The following ACBD5 variants were observed in gnomAD, a reference collection of about 807,000 sequenced individuals.
The protein encoded by ACBD5 is acyl-CoA-binding domain-containing protein 5.
In ACBD5, 40 loss-of-function variants were observed where a neutral mutation model predicts 71.8. That is an observed-to-expected ratio of 0.56 (90% CI 0.43 to 0.72). The LOEUF (loss-of-function observed/expected upper bound fraction) is 0.72, where lower values mean the gene tolerates loss of function less well. Ranked by LOEUF, ACBD5 falls within the 30% of genes least tolerant of loss-of-function variation. ACBD5 has a pLI of 0.00. For synonymous variants in ACBD5, 229 were observed against 218.6 expected (o/e 1.05, Z -0.42); for missense variants, 559 against 644.5 (o/e 0.87, Z 1.44).
At chr10:27,218,302 C>T (rs944713592) in intron 6 of ACBD5, 119 bp from the exon 7 acceptor site, 2 of 844,630 alleles carry the variant, frequency 2.4e-6, no homozygotes, top group Non-Finnish European at 4.0e-6. Flanking sequence ...GAAGGGTTTC[C>T]TACTTGGATC....
Position 27,234,996 on chromosome 10 carries a change from T to C in ACBD5, c.302+96A>G, listed in dbSNP as rs2064455997. On this transcript the variant is annotated intron_variant, in intron 3 of 12. Transcript: ENST00000396271. ...ATTGTACCCAATACCTAGGACACTT[T>C]CTGCACAGAATAATATATAACCACT... 1.1e-5 allele frequency: 15 copies of C among 1,308,612 alleles called. No homozygotes were observed. In the Admixed American group the frequency reaches 2.9e-4, roughly 25 times the overall value. The allele number at this position is 1,308,612 out of a possible 1,614,324, so 81.1% of individuals were successfully genotyped here.
In ACBD5 at chr10:27,196,853, A is replaced by G; in HGVS notation, c.*577T>C. The G allele has an allele frequency of 2.2e-6, 1 of 454,088 alleles. No homozygotes were observed. Among genetic ancestry groups the G allele is most frequent in the South Asian group, 1.6e-5 (1 of 64,478 alleles). 28.1% of individuals were successfully genotyped at this position (454,088 alleles called of 1,614,324 possible). On this transcript the variant is annotated 3_prime_UTR_variant, in exon 13 of 13. Transcript: ENST00000396271. ...TTTTTAATAATGATGCCTGAACACCAAACTCAAGAGTTGTGAATGCCCAAG... is the reference window on the plus strand; with the variant it reads ...TTTTTAATAATGATGCCTGAACACCGAACTCAAGAGTTGTGAATGCCCAAG...
chr10:27,215,173 A>G (rs1304672173), intron 8 of ACBD5, among the ~76,000 whole-genome samples: 1 of 143,892 alleles, frequency 6.9e-6, no homozygotes, highest in East Asian at 1.9e-4. Context: ...CTAAAAAACA[A>G]AAAAAACAAC....
At chr10:27,189,287 A>G (rs963584348) in intron 13 of ACBD5, among the ~76,000 whole-genome samples, 1 of 152,188 alleles carries the variant, frequency 6.6e-6, no homozygotes, top group East Asian at 1.9e-4. Context: ...TCAGCCTCCC[A>G]AAATGCTGGG....
downstream of ACBD5, among the ~76,000 whole-genome samples, chr10:27,194,439 C>T (rs931854451): frequency 1.3e-5 from 2 of 149,730 alleles, no homozygotes; most frequent in African/African-American, 4.9e-5. Context: ...GGCAAAACCC[C>T]GTCTCTACTA....
chr10:27,184,510 T>C (rs2058527672), intron 13 of ACBD5, among the ~76,000 whole-genome samples: 1 of 151,376 alleles, frequency 6.6e-6, no homozygotes, highest in South Asian at 2.1e-4. Context: ...TGCAACATAT[T>C]GGTCAGATTG....
intron 8 of ACBD5, among the ~76,000 whole-genome samples, chr10:27,214,756 A>C (rs1247877288): frequency 6.6e-6 from 1 of 152,162 alleles, no homozygotes; most frequent in Non-Finnish European, 1.5e-5. Context: ...TTGTTTGAAA[A>C]TTATTCAGGC....
chr10:27,234,390 A>G (rs2800393), intron 3 of ACBD5, among the ~76,000 whole-genome samples: 117,669 of 151,614 alleles, frequency 0.78, 45,917 homozygotes, highest in African/African-American at 0.86. Context: ...TATTATCTTC[A>G]AGGCTCAGTA....
Position 27,231,192 on chromosome 10 carries a change from T to C in ACBD5, c.375+556A>G, listed in dbSNP as rs1048826613. Among the ~76,000 whole-genome samples, 7 of 152,152 alleles carry C rather than the reference T, an allele frequency of 4.6e-5. No individual in the cohort carries two copies. The East Asian group carries it at 5.8e-4, about 13-fold the overall frequency. ...ACTATTTCTACACTTTCTCCAGAAG[T>C]TGACTATAGAGAAAGATAGGGGAGA... On this transcript the variant is annotated intron_variant, in intron 4 of 12. Transcript: ENST00000396271.
chr10:27,220,772 T>C (rs2062236605), intron 5 of ACBD5, among the ~76,000 whole-genome samples: 1 of 152,164 alleles, frequency 6.6e-6, no homozygotes, highest in Non-Finnish European at 1.5e-5. Flanking sequence ...GGAGGACTCA[T>C]CATTCCTGAT....
intron 4 of ACBD5, among the ~76,000 whole-genome samples, chr10:27,226,662 A>AT (rs1327426084): frequency 6.2e-5 from 9 of 146,104 alleles, no homozygotes; most frequent in African/African-American, 2.3e-4. Context: ...TTTTTTGTTA[A>AT]TTTTTTTGCG....
At chr10:27,222,199 G>A (rs560475403) in intron 5 of ACBD5, among the ~76,000 whole-genome samples, 2 of 151,912 alleles carry the variant, frequency 1.3e-5, no homozygotes, top group East Asian at 3.9e-4. Flanking sequence ...GGGATGTCAA[G>A]GGAAAAAAAG....
At position 27,196,798 on chromosome 10, in the gene ACBD5, A is replaced by G. The variant is rs1348220945; in HGVS notation, c.*632T>C. On this transcript the variant is annotated 3_prime_UTR_variant, in exon 13 of 13. Transcript: ENST00000396271. ...TATGTCTAGCCTGCAAATCATTTGT[A>G]AAAACTCAGTCTGGTACATAGGACT... The G allele has an allele frequency of 2.0e-5, 9 of 454,062 alleles. No individual in the cohort carries two copies. The highest frequency in any genetic ancestry group is 4.0e-5 in the Non-Finnish European group (9 of 226,788). 28.1% of individuals were successfully genotyped at this position (454,062 alleles called of 1,614,324 possible).
chr10:27,199,121 T>C (rs2059654857), intron 12 of ACBD5, among the ~76,000 whole-genome samples: 1 of 149,934 alleles, frequency 6.7e-6, no homozygotes. Flanking sequence ...AATAAATAAA[T>C]ATACAAATAA....
chr10:27,210,949 T>A lies in ACBD5; in HGVS notation c.1069A>T (p.Met357Leu). The change falls in exon 9 of 13, where the codon ATG (methionine) becomes TTG (leucine). Residue 357 changes from methionine to leucine, a missense_variant. Coordinates refer to ENST00000396271, the MANE Select transcript of ACBD5 (RefSeq NM_145698.5). Reference protein sequence around the residue: ...VPPGNGNIGNMQVVAVEGKGE... With the variant: ...VPPGNGNIGNLQVVAVEGKGE... ...TTTCCTTCAACTGCAACCACCTGCA[T>A]ATTCCCAATGTTGCCATTTCCAGGA... 6.2e-7 allele frequency: 1 copy of A among 1,614,192 alleles called. No homozygotes were observed. Among genetic ancestry groups the A allele is most frequent in the Non-Finnish European group, 8.5e-7 (1 of 1,180,054 alleles).
intron 11 of ACBD5, 126 bp downstream of exon 11, chr10:27,205,072 A>G (rs904426023): frequency 8.3e-6 from 7 of 846,454 alleles, no homozygotes; most frequent in East Asian, 3.4e-5. Context: ...GCTTGCAGTG[A>G]GCTGAGATCG....
chr10:27,205,154 A>C, intron 11 of ACBD5, 44 bp downstream of exon 11: 2 of 1,579,748 alleles, frequency 1.3e-6, no homozygotes, highest in Non-Finnish European at 1.7e-6. Flanking sequence ...ACAACAAAAA[A>C]CATATGAAAC....
At chr10:27,184,886 G>A (rs889542172) in intron 13 of ACBD5, among the ~76,000 whole-genome samples, 1 of 152,024 alleles carries the variant, frequency 6.6e-6, no homozygotes, top group African/African-American at 2.4e-5. Flanking sequence ...ATTTTACTAG[G>A]TAGAAGGAAA....
upstream of ACBD5, chr10:27,241,020 G>A (rs1005145076): frequency 1.4e-5 from 7 of 515,882 alleles, no homozygotes; most frequent in Admixed American, 2.0e-4. Context: ...CTTTTGTTCA[G>A]AAGGGGGAAA....
Sources: gnomAD v4.1 joint callset for allele counts (sites outside exome capture counted in the v4.1 genomes callset) on GRCh38, gnomAD v4.1.1 for gene constraint, MANE v1.5 for transcripts, NCBI Gene and HGNC (gene_info 2026-07-23, HGNC 2026-07-21) for gene names.